Variants in LPCAT2 observed in about 807,000 individuals in gnomAD.
LPCAT2 encodes the protein 1-AGP acyltransferase 11.
Under a neutral mutation model 64.7 loss-of-function variants are expected in LPCAT2, and 58 were observed. The ratio of observed to expected loss-of-function variants is 0.90; its 90% confidence interval spans 0.73 to 1.12. The LOEUF (loss-of-function observed/expected upper bound fraction) is 1.12, where lower values mean the gene tolerates loss of function less well. LPCAT2 is among the 50% of genes most tolerant of loss of function. The pLI, the probability that LPCAT2 is intolerant of heterozygous loss-of-function variation, is 0.00. For missense variants in LPCAT2, 579 were observed against 669.8 expected (o/e 0.86, Z 1.50); for synonymous variants, 252 against 245.3 (o/e 1.03, Z -0.26).
Position 55,538,760 on chromosome 16 carries a change from A to T in LPCAT2, c.852+1128A>T, listed in dbSNP as rs182267984. On this transcript the variant is annotated intron_variant, in intron 8 of 13. Transcript: ENST00000262134. ...AGAGGTTCCTGGGGAACAAAAACTA[A>T]TTTAATAACATTTGGAAGTATCAAG... 89 of 150,762 alleles carry T rather than the reference A, an allele frequency of 5.9e-4. 2 individuals carry two copies. The highest frequency in any genetic ancestry group is 2.1e-3 in the African/African-American group (86 of 41,212). The allele number at this position is 150,762 out of a possible 1,614,324, so 9.3% of individuals were successfully genotyped here. A position where few individuals can be genotyped will look rare whatever the true frequency, so the allele number is the denominator to read the frequency against.
chr16:55,529,655 T>C (rs1354112786), intron 3 of LPCAT2, among the ~76,000 whole-genome samples, 180 bp from the exon 4 acceptor site: 1 of 152,246 alleles, frequency 6.6e-6, no homozygotes, highest in Non-Finnish European at 1.5e-5. Context: ...GAAATGTTTT[T>C]AGTTGTAAAT....
chr16:55,553,237 C>CA (rs112237688), intron 11 of LPCAT2, among the ~76,000 whole-genome samples: 45 of 144,226 alleles, frequency 3.1e-4, no homozygotes, highest in South Asian at 1.1e-3. Flanking sequence ...AACTCCATCT[C>CA]AAAAAAAAAA....
At chr16:55,565,763 T>C (rs1488078697) in intron 11 of LPCAT2, among the ~76,000 whole-genome samples, 3 of 152,134 alleles carry the variant, frequency 2.0e-5, no homozygotes, top group Admixed American at 6.6e-5. Context: ...AAAAAAGTTC[T>C]GAAGATAGCT....
intron 11 of LPCAT2, among the ~76,000 whole-genome samples, chr16:55,570,453 G>A (rs1160285690): frequency 6.6e-6 from 1 of 151,960 alleles, no homozygotes; most frequent in Non-Finnish European, 1.5e-5. Context: ...GCAAAACCCC[G>A]TTTCAACAAA....
At chr16:55,513,717 C>T (rs143497636) in intron 1 of LPCAT2, among the ~76,000 whole-genome samples, 1 of 152,278 alleles carries the variant, frequency 6.6e-6, no homozygotes, top group East Asian at 1.9e-4. Flanking sequence ...ATAATGAAAA[C>T]CAGCAACCTG....
chr16:55,559,768 G>GAA lies in LPCAT2; in HGVS notation c.1215+8681_1215+8682dup, dbSNP rs1283846466. Reference sequence around the variant, plus strand: ...TTCCACAACTTATATGATACAATTTGAAAAAAAAAAAAAAAAGGCTACAAC... The same window carrying GAA: ...TTCCACAACTTATATGATACAATTTGAAAAAAAAAAAAAAAAAAGGCTACAAC... On this transcript the variant is annotated intron_variant, in intron 11 of 13. Coordinates refer to ENST00000262134, the MANE Select transcript of LPCAT2 (RefSeq NM_017839.5). 7.0e-3 allele frequency among the ~76,000 whole-genome samples: 716 copies of GAA among 102,260 alleles called. 8 individuals are homozygous for GAA. Among genetic ancestry groups the GAA allele is most frequent in the African/African-American group, 0.022 (653 of 29,462 alleles). 67.1% of individuals were successfully genotyped at this position (102,260 alleles called of 152,430 possible). A position where few individuals can be genotyped will look rare whatever the true frequency, so the allele number is the denominator to read the frequency against.
intron 2 of LPCAT2, among the ~76,000 whole-genome samples, chr16:55,526,724 C>G (rs1963175401): frequency 6.6e-6 from 1 of 152,064 alleles, no homozygotes; most frequent in African/African-American, 2.4e-5. Context: ...CAGATTACCT[C>G]TTTGATTTTT....
At chr16:55,564,175 T>C (rs1463780302) in intron 11 of LPCAT2, among the ~76,000 whole-genome samples, 2 of 151,916 alleles carry the variant, frequency 1.3e-5, no homozygotes, top group African/African-American at 2.4e-5. Flanking sequence ...CACTGAAAAC[T>C]ACAAAGCACT....
At chr16:55,565,659 T>G (rs1362310150) in intron 11 of LPCAT2, among the ~76,000 whole-genome samples, 1 of 151,878 alleles carries the variant, frequency 6.6e-6, no homozygotes, top group Non-Finnish European at 1.5e-5. Context: ...AGTCAAATCA[T>G]AGAGCTAGAA....
At chr16:55,562,160 C>T (rs1419699833) in intron 11 of LPCAT2, among the ~76,000 whole-genome samples, 1 of 151,984 alleles carries the variant, frequency 6.6e-6, no homozygotes, top group East Asian at 1.9e-4. Context: ...TATTGATCTC[C>T]CTTTATCTCT....
At chr16:55,534,374 A>G in intron 6 of LPCAT2, 69 bp from the exon 7 acceptor site, 3 of 927,452 alleles carry the variant, frequency 3.2e-6, no homozygotes, top group Admixed American at 3.9e-5. Context: ...CCCCATATTA[A>G]AATAAGATCT....
At chr16:55,513,696 G>A (rs116134919) in intron 1 of LPCAT2, among the ~76,000 whole-genome samples, 1,587 of 152,126 alleles carry the variant, frequency 0.01, 22 homozygotes, top group African/African-American at 0.032. Context: ...AAAAACCAAC[G>A]GCCTACAGTC....
chr16:55,553,195 G>A (rs1240956310), intron 11 of LPCAT2, among the ~76,000 whole-genome samples: 1 of 152,074 alleles, frequency 6.6e-6, no homozygotes, highest in African/African-American at 2.4e-5. Context: ...CCGAGATCAT[G>A]CCATTGCACT....
chr16:55,553,287 T>C (rs1359433656), intron 11 of LPCAT2, among the ~76,000 whole-genome samples: 3 of 152,256 alleles, frequency 2.0e-5, no homozygotes, highest in Non-Finnish European at 2.9e-5. Flanking sequence ...TGTAACATTT[T>C]ACTACAGTAG....
At chr16:55,510,323 C>T (rs925821409) in intron 1 of LPCAT2, among the ~76,000 whole-genome samples, 1 of 151,844 alleles carries the variant, frequency 6.6e-6, no homozygotes, top group Non-Finnish European at 1.5e-5. Flanking sequence ...CTTTCCTTTC[C>T]TTTTTCTTGT....
intron 13 of LPCAT2, among the ~76,000 whole-genome samples, chr16:55,582,267 C>G (rs1349690373): frequency 6.6e-6 from 1 of 152,158 alleles, no homozygotes; most frequent in Non-Finnish European, 1.5e-5. Flanking sequence ...CCCTACCTCT[C>G]TCTTAAAGAA....
chr16:55,528,545 A>G lies in LPCAT2; in HGVS notation c.480A>G (p.Leu160=), dbSNP rs1324730465. The part of the protein sequence containing the change: ...FDGIACVVAG[L]PSMVSRNENA... ...GAATTGCCTGTGTTGTAGCTGGGTTACCTTCTATGGTATCTCGAAATGAGA... is the reference window on the plus strand; with the variant it reads ...GAATTGCCTGTGTTGTAGCTGGGTTGCCTTCTATGGTATCTCGAAATGAGA... The change falls in exon 3 of 14, where the codon TTA becomes TTG. Residue 160 remains leucine (L), a synonymous_variant. Transcript: ENST00000262134. The G allele has an allele frequency of 3.1e-6, 5 of 1,613,860 alleles. No homozygotes were observed. The highest frequency in any genetic ancestry group is 1.3e-5 in the African/African-American group (1 of 74,904).
At chr16:55,510,296 T>G (rs578190107) in intron 1 of LPCAT2, among the ~76,000 whole-genome samples, 1 of 152,168 alleles carries the variant, frequency 6.6e-6, no homozygotes, top group East Asian at 1.9e-4. Flanking sequence ...TATACTGTTA[T>G]GCACAAAGGA....
chr16:55,563,858 G>T (rs1358779987), intron 11 of LPCAT2, among the ~76,000 whole-genome samples: 1 of 151,730 alleles, frequency 6.6e-6, no homozygotes, highest in African/African-American at 2.4e-5. Context: ...GAACAGTTAG[G>T]CAAGAAAAAG....
Sources: allele counts gnomAD v4.1 joint callset (sites outside exome capture counted in the v4.1 genomes callset), GRCh38; gene constraint gnomAD v4.1.1; transcripts MANE v1.5; gene names NCBI Gene and HGNC (gene_info 2026-07-23, HGNC 2026-07-21).